ENTREP2: variants seen among roughly 807,000 people sequenced by gnomAD.
The protein encoded by ENTREP2 is protein ENTREP2.
the ENTREP2 span, chr15:29,123,373 G>GCCTCCT: frequency 6.5e-7 from 1 of 1,543,488 alleles, no homozygotes; most frequent in African/African-American, 1.4e-5. Context: ...GCCGAAGACG[G>GCCTCCT]CCTCCTCCTC....
the ENTREP2 span, chr15:29,196,345 G>A: frequency 2.1e-6 from 3 of 1,459,086 alleles, no homozygotes; most frequent in Admixed American, 2.1e-5. Flanking sequence ...AGAGCTGAAA[G>A]GAATCTATAT....
At chr15:29,162,667 A>G in the ENTREP2 span, among the ~76,000 whole-genome samples, 4 of 152,004 alleles carry the variant, frequency 2.6e-5, no homozygotes, top group Non-Finnish European at 5.9e-5. Flanking sequence ...CGGTCCAAAG[A>G]GAGTCTGAGC....
At chr15:29,580,648 T>A in the ENTREP2 span, among the ~76,000 whole-genome samples, 1 of 151,864 alleles carries the variant, frequency 6.6e-6, no homozygotes, top group Non-Finnish European at 1.5e-5. Flanking sequence ...AAAGGTGAGA[T>A]CTAACACCAT....
the ENTREP2 span, among the ~76,000 whole-genome samples, chr15:29,548,606 G>C: frequency 6.6e-6 from 1 of 151,932 alleles, no homozygotes; most frequent in African/African-American, 2.4e-5. Context: ...AAACAATCCA[G>C]AGAAGCCATA....
chr15:29,452,224 C>T, the ENTREP2 span, among the ~76,000 whole-genome samples: 1 of 152,202 alleles, frequency 6.6e-6, no homozygotes, highest in Admixed American at 6.5e-5. Context: ...TTCTCAGCAG[C>T]ACTGGCACCT....
At chr15:29,223,745 GGC>G in the ENTREP2 span, among the ~76,000 whole-genome samples, 175 of 152,084 alleles carry the variant, frequency 1.2e-3, no homozygotes, top group Non-Finnish European at 1.9e-3. Flanking sequence ...TAGCCAGAGA[GGC>G]TGGTTCTGGA....
the ENTREP2 span, among the ~76,000 whole-genome samples, chr15:29,592,391 T>A: frequency 6.6e-6 from 1 of 152,224 alleles, no homozygotes; most frequent in Non-Finnish European, 1.5e-5. Flanking sequence ...CTCATGGCTC[T>A]GGAAGCTGGG....
the ENTREP2 span, among the ~76,000 whole-genome samples, chr15:29,311,124 T>G: frequency 1.3e-5 from 2 of 152,184 alleles, no homozygotes; most frequent in Non-Finnish European, 2.9e-5. Flanking sequence ...ATGAGAGACC[T>G]GTAATCTAAA....
the ENTREP2 span, among the ~76,000 whole-genome samples, chr15:29,595,734 A>G: frequency 6.6e-6 from 1 of 152,058 alleles, no homozygotes; most frequent in East Asian, 1.9e-4. Context: ...TCATTCACCT[A>G]CTGAAGGACA....
At chr15:29,308,158 C>A in the ENTREP2 span, among the ~76,000 whole-genome samples, 1 of 152,088 alleles carries the variant, frequency 6.6e-6, no homozygotes, top group Non-Finnish European at 1.5e-5. Flanking sequence ...AACAGGAATT[C>A]GAACTGTCTT....
chr15:29,433,330 T>G, the ENTREP2 span, among the ~76,000 whole-genome samples: 1 of 152,232 alleles, frequency 6.6e-6, no homozygotes, highest in Non-Finnish European at 1.5e-5. Flanking sequence ...CTGTTTCAAA[T>G]GGACCACAGG....
chr15:29,309,886 G>T, the ENTREP2 span, among the ~76,000 whole-genome samples: 6 of 152,138 alleles, frequency 3.9e-5, no homozygotes, highest in East Asian at 1.2e-3. Context: ...TTGAAGCCTG[G>T]CATGCATGGC....
the ENTREP2 span, among the ~76,000 whole-genome samples, chr15:29,148,919 C>CA: frequency 6.6e-6 from 1 of 151,994 alleles, no homozygotes; most frequent in East Asian, 1.9e-4. Context: ...CTCTGTCGCC[C>CA]AGGCTGTAGT....
At chr15:29,624,172 C>A in the ENTREP2 span, among the ~76,000 whole-genome samples, 1 of 152,220 alleles carries the variant, frequency 6.6e-6, no homozygotes, top group South Asian at 2.1e-4. Flanking sequence ...TCTTCTTAGT[C>A]TATATCCTAT....
At chr15:29,514,137 G>A in the ENTREP2 span, among the ~76,000 whole-genome samples, 2 of 152,260 alleles carry the variant, frequency 1.3e-5, no homozygotes, top group Admixed American at 1.3e-4. Flanking sequence ...CAGTACTATA[G>A]TGTTAACTAC....
the ENTREP2 span, among the ~76,000 whole-genome samples, chr15:29,570,998 G>A: frequency 6.9e-6 from 1 of 145,198 alleles, no homozygotes; most frequent in Non-Finnish European, 1.5e-5. Flanking sequence ...CGCCCCGCGC[G>A]CTCCCCGGCC....
the ENTREP2 span, among the ~76,000 whole-genome samples, chr15:29,162,974 C>G: frequency 6.6e-6 from 1 of 152,162 alleles, no homozygotes; most frequent in East Asian, 1.9e-4. Context: ...ATAGACGGTT[C>G]ACATCACAGG....
the ENTREP2 span, among the ~76,000 whole-genome samples, chr15:29,478,136 T>C: frequency 2.5e-3 from 374 of 148,836 alleles, no homozygotes; most frequent in Non-Finnish European, 4.6e-3. Flanking sequence ...GCCATTCTCC[T>C]GCCTCAGCCT....
At chr15:29,674,809 C>A in the ENTREP2 span, among the ~76,000 whole-genome samples, 1 of 151,946 alleles carries the variant, frequency 6.6e-6, no homozygotes, top group Non-Finnish European at 1.5e-5. Context: ...TTCCCCCTGC[C>A]GGCCTCCCTT....
Sources: allele counts gnomAD v4.1 joint callset (sites outside exome capture counted in the v4.1 genomes callset), GRCh38; gene constraint gnomAD v4.1.1; transcripts MANE v1.5; gene names NCBI Gene and HGNC (gene_info 2026-07-23, HGNC 2026-07-21).